The following SNX1 variants were observed in gnomAD, a reference collection of about 807,000 sequenced individuals.
The protein encoded by SNX1 is sorting nexin 1.
SNX1 carries 36 observed loss-of-function variants against 71.8 expected under a neutral mutation model. The ratio of observed to expected loss-of-function variants is 0.50; its 90% CI spans 0.38 to 0.66. SNX1 has a LOEUF of 0.66. Among genes scored for constraint, SNX1 ranks in the 30% least tolerant of loss-of-function variants. The pLI, the probability that SNX1 is intolerant of heterozygous loss-of-function variation, is 0.00. For synonymous variants in SNX1, 254 were observed against 240.7 expected, an observed-to-expected ratio of 1.06 and a Z score of -0.51; for missense variants, 612 against 646.7, an observed-to-expected ratio of 0.95 and a Z score of 0.58.
At chr15:64,107,065 C>T (rs1398224496) in intron 1 of SNX1, among the ~76,000 whole-genome samples, 2 of 152,120 alleles carry the variant, frequency 1.3e-5, no homozygotes, top group Non-Finnish European at 2.9e-5. Flanking sequence ...CCATGGAGGC[C>T]CATTTATGAT....
chr15:64,124,993 C>T (rs528150404), intron 5 of SNX1, among the ~76,000 whole-genome samples: 1 of 152,176 alleles, frequency 6.6e-6, no homozygotes, highest in Non-Finnish European at 1.5e-5. Context: ...TGTCTCTCTA[C>T]TACTTGTTGG....
intron 1 of SNX1, among the ~76,000 whole-genome samples, chr15:64,098,639 G>A (rs893092952): frequency 6.8e-5 from 10 of 147,230 alleles, no homozygotes; most frequent in African/African-American, 2.5e-4. Flanking sequence ...GCAGTGAGCC[G>A]AGATTGTGCC....
At chr15:64,122,325 A>G (rs1215512920) in intron 4 of SNX1, among the ~76,000 whole-genome samples, 1 of 150,922 alleles carries the variant, frequency 6.6e-6, no homozygotes, top group Admixed American at 6.6e-5. Context: ...GGTAATGTTA[A>G]TAAGGTGGTT....
chr15:64,136,999 C>A, intron 14 of SNX1, 67 bp downstream of exon 14: 1 of 1,309,478 alleles, frequency 7.6e-7, no homozygotes, highest in Non-Finnish European at 1.1e-6. Context: ...CTCCTCGGGG[C>A]TTCTGCAACA....
At chr15:64,106,519 A>G (rs1371385252) in intron 1 of SNX1, among the ~76,000 whole-genome samples, 1 of 152,186 alleles carries the variant, frequency 6.6e-6, no homozygotes, top group Non-Finnish European at 1.5e-5. Flanking sequence ...AAAGAAGTCC[A>G]CATCTTAATC....
In SNX1 at chr15:64,108,459, A is replaced by G. The variant is rs116629349; in HGVS notation, c.160-4114A>G. 1.5e-3 allele frequency among the ~76,000 whole-genome samples: 229 copies of G among 152,280 alleles called. 2 individuals carry two copies. Among genetic ancestry groups the G allele is most frequent in the African/African-American group, 5.2e-3 (218 of 41,560 alleles). On this transcript the variant is annotated intron_variant, in intron 1 of 14. Coordinates refer to ENST00000559844, the MANE Select transcript of SNX1 (RefSeq NM_003099.5). Reference sequence around the variant, plus strand: ...ATAACGTGCTATTATTATGGACTCAAATCTCGTGGAAGACTTGTTTTCTTT... The same window carrying G: ...ATAACGTGCTATTATTATGGACTCAGATCTCGTGGAAGACTTGTTTTCTTT...
chr15:64,112,518 A>G (rs2081086717), intron 1 of SNX1, 55 bp from the exon 2 acceptor site: 1 of 1,253,876 alleles, frequency 8.0e-7, no homozygotes, highest in Non-Finnish European at 1.1e-6. Context: ...TTTCTAGGCA[A>G]GTTGGGTTTG....
At chr15:64,113,989 T>G (rs908814875) in intron 2 of SNX1, among the ~76,000 whole-genome samples, 2 of 152,186 alleles carry the variant, frequency 1.3e-5, no homozygotes, top group African/African-American at 4.8e-5. Flanking sequence ...CAGGACATTC[T>G]TGGAGAAGTC....
intron 14 of SNX1, 133 bp from the exon 15 acceptor site, chr15:64,137,435 C>A: frequency 1.1e-6 from 1 of 877,124 alleles, no homozygotes; most frequent in Non-Finnish European, 1.8e-6. Context: ...GTGGCCTGTG[C>A]AGCTGCTCGG....
chr15:64,141,529 A>C lies in SNX1; in HGVS notation c.*3911A>C, dbSNP rs2081414406. The stretch of plus-strand genomic sequence containing the variant: ...GACTTTGTGGAGAACCTGATGCTTG[A>C]ACTGAGTCTAAAAGGTGTAAAAGTG... On this transcript the variant is annotated 3_prime_UTR_variant, in exon 15 of 15. Coordinates refer to ENST00000559844, the MANE Select transcript of SNX1 (RefSeq NM_003099.5). The surrounding 1 kb of genome is among the most constrained non-coding windows in gnomAD (Gnocchi z 5.1). 6.6e-6 allele frequency: 1 copy of C among 152,252 alleles called. No individual in the cohort carries two copies. The highest frequency in any genetic ancestry group is 6.5e-5 in the Admixed American group (1 of 15,284). 9.4% of individuals were successfully genotyped at this position (152,252 alleles called of 1,614,324 possible).
intron 12 of SNX1, among the ~76,000 whole-genome samples, chr15:64,135,210 T>G (rs1366642422): frequency 6.6e-6 from 1 of 151,854 alleles, no homozygotes; most frequent in African/African-American, 2.4e-5. Context: ...CTCTGCCTCC[T>G]GGGTTCACGC....
chr15:64,129,659 C>T lies in SNX1; in HGVS notation c.808-257C>T, dbSNP rs1159271756. ...ATCTCAATTTGAGGTCACCTGGCCA[C>T]GTAACACCCCAGTCTACTTTTTTTC... On this transcript the variant is annotated intron_variant, in intron 8 of 14. Coordinates refer to ENST00000559844, the MANE Select transcript of SNX1 (RefSeq NM_003099.5). This position sits in a 1 kb window ranked among gnomAD's most constrained non-coding sequence, Gnocchi z 4.4. Among the ~76,000 whole-genome samples, 4 of 152,188 alleles carry T rather than the reference C, an allele frequency of 2.6e-5. No homozygotes were observed. In the East Asian group the frequency reaches 7.7e-4, roughly 29 times the overall value.
At chr15:64,115,248 T>C (rs2081116982) in intron 2 of SNX1, among the ~76,000 whole-genome samples, 1 of 152,208 alleles carries the variant, frequency 6.6e-6, no homozygotes, top group African/African-American at 2.4e-5. Flanking sequence ...CCCTACTAGT[T>C]TTTTAAGTAG....
rs1399578538 is a variant in SNX1, at chr15:64,137,773, C to T, written c.*155C>T. ...ACCAACTGTCCCCAGTTACTCTAACCGTTATTTCATTTAGCTTCCATATAT... is the reference window on the plus strand; with the variant it reads ...ACCAACTGTCCCCAGTTACTCTAACTGTTATTTCATTTAGCTTCCATATAT... On this transcript the variant is annotated 3_prime_UTR_variant, in exon 15 of 15. Coordinates refer to ENST00000559844, the MANE Select transcript of SNX1 (RefSeq NM_003099.5). 10 of 1,451,364 alleles carry T rather than the reference C, an allele frequency of 6.9e-6. No individual in the cohort carries two copies. The South Asian group carries it at 9.0e-5, about 13-fold the overall frequency. The allele number at this position is 1,451,364 out of a possible 1,614,324, so 89.9% of individuals were successfully genotyped here.
intron 11 of SNX1, among the ~76,000 whole-genome samples, chr15:64,132,747 C>T (rs2081319966): frequency 6.6e-6 from 1 of 152,228 alleles, no homozygotes; most frequent in Admixed American, 6.5e-5. Context: ...CATTAGGGAG[C>T]TTGTGCGTTG....
chr15:64,128,166 T>A (rs1189150155), intron 8 of SNX1, among the ~76,000 whole-genome samples: 2 of 152,190 alleles, frequency 1.3e-5, no homozygotes, highest in Admixed American at 6.5e-5. Flanking sequence ...ACCACAGAAC[T>A]ACCATGTAGG....
intron 2 of SNX1, among the ~76,000 whole-genome samples, chr15:64,116,967 A>G (rs542246142): frequency 6.6e-6 from 1 of 152,330 alleles, no homozygotes; most frequent in African/African-American, 2.4e-5. Context: ...CAGATATTAC[A>G]TGTCTTTTTT....
chr15:64,111,861 C>G (rs2081080820), intron 1 of SNX1, among the ~76,000 whole-genome samples: 2 of 152,222 alleles, frequency 1.3e-5, no homozygotes, highest in Non-Finnish European at 1.5e-5. Context: ...GCTTTGTTCA[C>G]TCTGGTACCG....
Position 64,143,065 on chromosome 15 carries a change from G to A in SNX1, c.*5447G>A. The A allele has an allele frequency of 5.6e-6, 1 of 177,754 alleles. No individual in the cohort carries two copies. The highest frequency in any genetic ancestry group is 1.2e-5 in the Non-Finnish European group (1 of 83,832). The allele number at this position is 177,754 out of a possible 1,614,324, so 11.0% of individuals were successfully genotyped here. A position where few individuals can be genotyped will look rare whatever the true frequency, so the allele number is the denominator to read the frequency against. ...AGCCCATAGACTTCAAGGACATCAA[G>A]CCCCAAGGTGGTGGGATTTTCCCCA... is the stretch of plus-strand genomic sequence containing the variant. On this transcript the variant is annotated 3_prime_UTR_variant, in exon 15 of 15. Coordinates refer to ENST00000559844, the MANE Select transcript of SNX1 (RefSeq NM_003099.5).
Sources: gnomAD v4.1 joint callset for allele counts (sites outside exome capture counted in the v4.1 genomes callset) on GRCh38, gnomAD v4.1.1 for gene constraint, Gnocchi (gnomAD v3.1) non-coding constraint, MANE v1.5 for transcripts, NCBI Gene and HGNC (gene_info 2026-07-23, HGNC 2026-07-21) for gene names.